Variants in AFG1L observed in about 807,000 individuals in gnomAD.
The protein encoded by AFG1L is AFG1 like ATPase.
In AFG1L, 53 loss-of-function variants were observed where a neutral mutation model predicts 62.2. The observed-to-expected ratio is 0.85, with a 90% CI of 0.68 to 1.07. AFG1L has a LOEUF of 1.07. Among genes scored for constraint, AFG1L ranks in the 50% least tolerant of loss-of-function variants. The pLI is 0.00. For synonymous variants in AFG1L, 228 were observed against 210.3 expected, an observed-to-expected ratio of 1.08 and a Z score of -0.73; for missense variants, 555 against 590.5, an observed-to-expected ratio of 0.94 and a Z score of 0.62.
intron 8 of AFG1L, among the ~76,000 whole-genome samples, chr6:108,468,514 T>C (rs1480108144): frequency 6.6e-6 from 1 of 152,206 alleles, no homozygotes; most frequent in African/African-American, 2.4e-5. Flanking sequence ...TTCCTGAAAT[T>C]GCATAAGGAT....
At chr6:108,401,723 C>G (rs1781625699) in intron 6 of AFG1L, among the ~76,000 whole-genome samples, 1 of 152,086 alleles carries the variant, frequency 6.6e-6, no homozygotes, top group Admixed American at 6.5e-5. Flanking sequence ...GGAAGTGATA[C>G]TTTCCAAATT....
chr6:108,432,779 C>G (rs911203897), intron 7 of AFG1L, among the ~76,000 whole-genome samples: 7 of 152,174 alleles, frequency 4.6e-5, no homozygotes, highest in Non-Finnish European at 1.0e-4. Context: ...AGAAAAAAAT[C>G]AGCCAACCAA....
At chr6:108,318,229 C>A in intron 1 of AFG1L, 1 of 298,946 alleles carries the variant, frequency 3.3e-6, no homozygotes, top group South Asian at 3.7e-5. Context: ...GAGTGGCTAT[C>A]ATCATCATAG....
intron 10 of AFG1L, among the ~76,000 whole-genome samples, chr6:108,480,035 C>A (rs1337494398): frequency 6.6e-6 from 1 of 152,140 alleles, no homozygotes; most frequent in African/African-American, 2.4e-5. Context: ...TTGACATATG[C>A]CATAAGTAAA....
intron 2 of AFG1L, among the ~76,000 whole-genome samples, chr6:108,337,998 C>T (rs980753105): frequency 1.3e-5 from 2 of 152,094 alleles, no homozygotes; most frequent in Admixed American, 1.3e-4. Flanking sequence ...CCAGCTTGTG[C>T]AACATAGGGA....
intron 10 of AFG1L, among the ~76,000 whole-genome samples, chr6:108,509,297 C>A (rs1038734706): frequency 1.3e-5 from 2 of 152,230 alleles, no homozygotes; most frequent in Non-Finnish European, 2.9e-5. Context: ...AGGCAGTGTA[C>A]TGCCTCCAAT....
intron 6 of AFG1L, among the ~76,000 whole-genome samples, chr6:108,383,140 T>A (rs923791881): frequency 6.6e-6 from 1 of 152,080 alleles, no homozygotes; most frequent in Admixed American, 6.6e-5. Context: ...AGCTGAAGCA[T>A]GAGAATTGTT....
intron 4 of AFG1L, 53 bp downstream of exon 4, chr6:108,355,808 T>C: frequency 8.3e-7 from 1 of 1,201,348 alleles, no homozygotes; most frequent in Non-Finnish European, 1.2e-6. Context: ...CGCTACAAAA[T>C]GGTTTTCTTC....
chr6:108,488,854 GAAAC>G (rs1394541763), intron 10 of AFG1L, among the ~76,000 whole-genome samples: 3 of 152,080 alleles, frequency 2.0e-5, no homozygotes, highest in East Asian at 1.9e-4. Flanking sequence ...TCTGTCTCCA[GAAAC>G]AAACAAACAA....
chr6:108,313,419 A>T (rs1777483885), intron 1 of AFG1L, among the ~76,000 whole-genome samples: 1 of 152,246 alleles, frequency 6.6e-6, no homozygotes, highest in Admixed American at 6.5e-5. Flanking sequence ...GTAACCTGGT[A>T]CTTAGTAAAT....
chr6:108,313,894 A>G (rs1777499682), intron 1 of AFG1L, among the ~76,000 whole-genome samples: 1 of 152,264 alleles, frequency 6.6e-6, no homozygotes, highest in East Asian at 1.9e-4. Context: ...CTACTTCCAC[A>G]TAAAAAAATA....
chr6:108,430,830 C>T (rs1013011556), intron 7 of AFG1L, among the ~76,000 whole-genome samples: 1 of 152,202 alleles, frequency 6.6e-6, no homozygotes, highest in Non-Finnish European at 1.5e-5. Flanking sequence ...TTCCCCTTCT[C>T]TCAAATTTTA....
chr6:108,484,250 A>G (rs1262193366), intron 10 of AFG1L, among the ~76,000 whole-genome samples: 1 of 152,162 alleles, frequency 6.6e-6, no homozygotes, highest in African/African-American at 2.4e-5. Flanking sequence ...GTGTATGCTC[A>G]TTTCCCACAT....
At chr6:108,370,755 A>G in intron 6 of AFG1L, among the ~76,000 whole-genome samples, 1 of 152,184 alleles carries the variant, frequency 6.6e-6, no homozygotes, top group South Asian at 2.1e-4. Flanking sequence ...CTGCCATTCA[A>G]CAGAGACAGA....
chr6:108,429,932 G>A (rs1770997071), intron 7 of AFG1L, among the ~76,000 whole-genome samples: 1 of 151,928 alleles, frequency 6.6e-6, no homozygotes, highest in South Asian at 2.1e-4. Flanking sequence ...TCATTTGTTT[G>A]TGTCATGTTA....
chr6:108,365,232 G>A (rs1779707523), intron 5 of AFG1L, among the ~76,000 whole-genome samples: 1 of 152,202 alleles, frequency 6.6e-6, no homozygotes, highest in East Asian at 1.9e-4. Flanking sequence ...AATGATTGAT[G>A]TCAATCTTCA....
chr6:108,425,114 T>C (rs933489755), intron 7 of AFG1L, among the ~76,000 whole-genome samples: 1 of 152,130 alleles, frequency 6.6e-6, no homozygotes, highest in Non-Finnish European at 1.5e-5. Flanking sequence ...GCAAGGCATA[T>C]GTAGAAACTC....
At chr6:108,318,723 T>C (rs1777699396) in intron 1 of AFG1L, among the ~76,000 whole-genome samples, 1 of 152,226 alleles carries the variant, frequency 6.6e-6, no homozygotes, top group African/African-American at 2.4e-5. Flanking sequence ...TTCGAAAGAA[T>C]AGCGCAGACT....
chr6:108,360,535 G>C (rs893667033), intron 5 of AFG1L, among the ~76,000 whole-genome samples: 1 of 152,088 alleles, frequency 6.6e-6, no homozygotes, highest in East Asian at 1.9e-4. Flanking sequence ...TGGCCTGAAT[G>C]TCCTAGAATG....
Sources: gnomAD v4.1 joint callset for allele counts (sites outside exome capture counted in the v4.1 genomes callset) on GRCh38, gnomAD v4.1.1 for gene constraint, MANE v1.5 for transcripts, NCBI Gene and HGNC (gene_info 2026-07-23, HGNC 2026-07-21) for gene names.